The following EXO1 variants were observed in gnomAD, a reference collection of about 807,000 sequenced individuals.
The protein encoded by EXO1 is exonuclease 1.
A neutral mutation model predicts 84.5 loss-of-function variants in EXO1; 69 were observed. That is an observed-to-expected ratio of 0.82 (90% confidence interval 0.67 to 1.00). The LOEUF is 1.00. EXO1 is among the 50% of genes least tolerant of loss of function. The probability of loss-of-function intolerance (pLI) is 0.00; values close to 1 mark genes in which losing one functional copy is unlikely to be tolerated. For synonymous variants in EXO1, 373 were observed against 366.1 expected (o/e 1.02, Z -0.21); for missense variants, 1,045 against 1,000.7 (o/e 1.04, Z -0.60).
At chr1:241,849,526 A>G (rs1574125928) in intron 3 of EXO1, among the ~76,000 whole-genome samples, 1 of 152,240 alleles carries the variant, frequency 6.6e-6, no homozygotes, top group African/African-American at 2.4e-5. Flanking sequence ...AGAGAGGCTG[A>G]TGGAGTTGCC....
At chr1:241,855,851 CAG>C (rs1329941235) in intron 6 of EXO1, among the ~76,000 whole-genome samples, 5 of 152,256 alleles carry the variant, frequency 3.3e-5, no homozygotes, top group Non-Finnish European at 7.3e-5. Context: ...CTGGGGCCGA[CAG>C]GGCCGGCCGG....
chr1:241,850,551 T>C lies in EXO1; in HGVS notation c.126T>C (p.Cys42=). 1 of 1,614,028 alleles carries C rather than the reference T, an allele frequency of 6.2e-7. No individual in the cohort carries two copies. The highest frequency in any genetic ancestry group is 8.5e-7 in the Non-Finnish European group (1 of 1,179,954). Residue 42 remains cysteine, a synonymous_variant, in exon 4 of 16, where the codon TGT becomes TGC. Transcript: ENST00000366548. ...GGCTTCACAAAGGAGCTATTGCTTG[T>C]GCTGAAAAACTAGCCAAAGGTGAAC... is the stretch of plus-strand genomic sequence containing the variant. ...YCWLHKGAIA[C]AEKLAKGEPT... is the part of the protein sequence containing the mutation.
In EXO1 at chr1:241,872,107, A is replaced by C; in HGVS notation, c.1343A>C (p.Glu448Ala). 1 of 1,613,894 alleles carries C rather than the reference A, an allele frequency of 6.2e-7. No individual in the cohort carries two copies. Among genetic ancestry groups the C allele is most frequent in the Non-Finnish European group, 8.5e-7 (1 of 1,179,816 alleles). Reference sequence around the variant, plus strand: ...AAGAAGACCAAGAAAAATAGCTCTGAAGGCAATAAATCATTGAGCTTTTCT... The same window carrying C: ...AAGAAGACCAAGAAAAATAGCTCTGCAGGCAATAAATCATTGAGCTTTTCT... ...FTKKTKKNSS[E>A]GNKSLSFSEV... is the part of the protein sequence containing the mutation. The change falls in exon 12 of 16, where the codon GAA becomes GCA. Residue 448 changes from glutamate to alanine, a missense_variant. Transcript: ENST00000366548.
Position 241,885,483 on chromosome 1 carries a change from T to G in EXO1, c.2381T>G (p.Leu794Arg), listed in dbSNP as rs1469726213. 1 of 1,613,620 alleles carries G rather than the reference T, an allele frequency of 6.2e-7. No individual in the cohort carries two copies. The highest frequency in any genetic ancestry group is 8.5e-7 in the Non-Finnish European group (1 of 1,179,640). Reference sequence around the variant, plus strand: ...GGGTTACAGATCAAACTCAATGAGCTCTGGAAAAACTTTGGATTTAAAAAG... The same window carrying G: ...GGGTTACAGATCAAACTCAATGAGCGCTGGAAAAACTTTGGATTTAAAAAG... ...KPGLQIKLNE[L>R]WKNFGFKKDS... The change falls in exon 15 of 16, where the codon CTC becomes CGC. Residue 794 changes from leucine to arginine, a missense_variant. Physicochemically the swap from Leu to Arg is moderately radical, Grantham distance 102 (BLOSUM62 -2). Transcript: ENST00000366548.
chr1:241,858,673 G>A lies in EXO1; in HGVS notation c.711G>A (p.Lys237=), dbSNP rs1251495225. The A allele has an allele frequency of 3.7e-6, 6 of 1,614,072 alleles. No individual in the cohort carries two copies. The highest frequency in any genetic ancestry group is 2.5e-6 in the Non-Finnish European group (3 of 1,179,974). ...CACTGCGTGGGATTGGATTAGCAAAGGCATGCAAAGTCCTAAGACTAGCCA... is the reference window on the plus strand; with the variant it reads ...CACTGCGTGGGATTGGATTAGCAAAAGCATGCAAAGTCCTAAGACTAGCCA... The part of the protein sequence containing the change: ...LSSLRGIGLA[K]ACKVLRLANN... Residue 237 remains lysine (K), a synonymous_variant, in exon 8 of 16, where the codon AAG becomes AAA. Transcript: ENST00000366548.
At chr1:241,861,893 A>G (rs968061046) in intron 10 of EXO1, among the ~76,000 whole-genome samples, 7 of 152,068 alleles carry the variant, frequency 4.6e-5, no homozygotes, top group African/African-American at 1.7e-4. Context: ...TTTAACAAAT[A>G]TTTAATGCAC....
intron 12 of EXO1, among the ~76,000 whole-genome samples, chr1:241,876,960 T>C (rs1662439038): frequency 6.6e-6 from 1 of 152,234 alleles, no homozygotes; most frequent in South Asian, 2.1e-4. Context: ...ATAAGGCTGT[T>C]GTGAAGGTAA....
At chr1:241,886,195 C>T (rs759475845) in intron 15 of EXO1, among the ~76,000 whole-genome samples, 1 of 152,160 alleles carries the variant, frequency 6.6e-6, no homozygotes, top group Non-Finnish European at 1.5e-5. Flanking sequence ...AGTGCAATAT[C>T]GTACTTCTCT....
chr1:241,881,395 G>C (rs1662746060), intron 13 of EXO1, among the ~76,000 whole-genome samples: 1 of 152,176 alleles, frequency 6.6e-6, no homozygotes, highest in Non-Finnish European at 1.5e-5. Context: ...TCCATCTATA[G>C]AGAAGTCTTA....
In EXO1 at chr1:241,861,398, TA is replaced by T; in HGVS notation, c.945-6del. On this transcript the variant is annotated splice_region_variant and splice_polypyrimidine_tract_variant and intron_variant, in intron 9 of 15. Coordinates refer to ENST00000366548, the MANE Select transcript of EXO1 (RefSeq NM_130398.4). ...TAAATACATTTTTCCTTAATCTTGC[TA>T]ATCTAGATATGTTGATGATTCCATA... The T allele has an allele frequency of 7.5e-7, 1 of 1,329,038 alleles. No individual in the cohort carries two copies. Among genetic ancestry groups the T allele is most frequent in the Non-Finnish European group, 1.1e-6 (1 of 919,664 alleles). The allele number at this position is 1,329,038 out of a possible 1,614,324, so 82.3% of individuals were successfully genotyped here.
At chr1:241,861,545 T>A (rs199816364) in intron 10 of EXO1, 43 bp downstream of exon 10, 1 of 1,023,920 alleles carries the variant, frequency 9.8e-7, no homozygotes, top group South Asian at 1.3e-5. Context: ...GTTTTAGTTA[T>A]GTCCCGAGCT....
At chr1:241,878,502 A>AAG (rs1159814935) in intron 12 of EXO1, among the ~76,000 whole-genome samples, 3 of 151,890 alleles carry the variant, frequency 2.0e-5, no homozygotes, top group East Asian at 1.9e-4. Context: ...TCTCAAAAAA[A>AAG]AAAAAAAGAA....
intron 10 of EXO1, among the ~76,000 whole-genome samples, chr1:241,861,839 A>G (rs1262218982): frequency 6.6e-6 from 1 of 152,226 alleles, no homozygotes; most frequent in Non-Finnish European, 1.5e-5. Flanking sequence ...ACCCAAGCCT[A>G]GGAATGCTAC....
intron 6 of EXO1, among the ~76,000 whole-genome samples, chr1:241,855,951 G>A (rs185861106): frequency 2.0e-3 from 310 of 152,306 alleles, no homozygotes; most frequent in Non-Finnish European, 3.0e-3. Context: ...GTTCTCGCTG[G>A]CGCCTCTCCC....
At position 241,879,207 on chromosome 1, in the gene EXO1, A is replaced by G; in HGVS notation, c.1973A>G (p.Glu658Gly). The change falls in exon 13 of 16, where the codon GAG becomes GGG. Residue 658 changes from glutamate to glycine, a missense_variant. Coordinates refer to ENST00000366548, the MANE Select transcript of EXO1 (RefSeq NM_130398.4). ...MSDVSQLKSEESSDDESHPLR... is the reference protein window; with the variant it reads ...MSDVSQLKSEGSSDDESHPLR... ...GATGTGTCGCAGTTAAAGAGCGAGG[A>G]GTCCAGTGACGATGAGTCTCATCCC... is the stretch of plus-strand genomic sequence containing the variant. 2 of 1,601,822 alleles carry G rather than the reference A, an allele frequency of 1.2e-6. No homozygotes were observed. Among genetic ancestry groups the G allele is most frequent in the Non-Finnish European group, 1.7e-6 (2 of 1,171,264 alleles).
intron 14 of EXO1, among the ~76,000 whole-genome samples, chr1:241,882,285 TC>T (rs1047283793): frequency 6.6e-6 from 1 of 152,174 alleles, no homozygotes; most frequent in African/African-American, 2.4e-5. Context: ...GTTTGGTCAA[TC>T]CCCTTATTTT....
intron 9 of EXO1, among the ~76,000 whole-genome samples, chr1:241,861,107 C>T (rs1661357676): frequency 6.6e-6 from 1 of 152,192 alleles, no homozygotes; most frequent in Admixed American, 6.5e-5. Flanking sequence ...TACATGCAGG[C>T]TGATGCAGAG....
intron 10 of EXO1, among the ~76,000 whole-genome samples, chr1:241,865,384 G>A (rs1048253138): frequency 1.3e-5 from 2 of 151,606 alleles, no homozygotes; most frequent in Non-Finnish European, 2.9e-5. Context: ...GCTGATTTTT[G>A]TATTTTAGTA....
chr1:241,858,866 T>C, intron 8 of EXO1, 148 bp downstream of exon 8: 1 of 685,962 alleles, frequency 1.5e-6, no homozygotes, highest in Non-Finnish European at 2.5e-6. Flanking sequence ...CACTAGAACT[T>C]TGCCTTAGCA....
Sources: allele counts gnomAD v4.1 joint callset (sites outside exome capture counted in the v4.1 genomes callset), GRCh38; gene constraint gnomAD v4.1.1; transcripts MANE v1.5; gene names NCBI Gene and HGNC (gene_info 2026-07-23, HGNC 2026-07-21).